The following VWA3B variants were observed in gnomAD, a reference collection of about 807,000 sequenced individuals.
VWA3B encodes von Willebrand factor A domain containing 3B, also known as von Willebrand factor A domain-containing protein 3B.
Under a neutral mutation model 158.3 loss-of-function variants are expected in VWA3B, and 138 were observed. The ratio of observed to expected loss-of-function variants is 0.87; its 90% confidence interval spans 0.76 to 1.00. The LOEUF is 1.00. Among genes scored for constraint, VWA3B ranks in the 50% least tolerant of loss-of-function variants. The pLI is 0.00. For synonymous variants in VWA3B, 596 were observed against 587.3 expected, an observed-to-expected ratio of 1.01 and a Z score of -0.21; for missense variants, 1,555 against 1,565.1, an observed-to-expected ratio of 0.99 and a Z score of 0.11.
chr2:98,226,368 A>T (rs569495846), intron 14 of VWA3B, among the ~76,000 whole-genome samples: 2 of 152,342 alleles, frequency 1.3e-5, no homozygotes, highest in South Asian at 4.1e-4. Context: ...TGGATATCCA[A>T]AGGCAAAATA....
chr2:98,250,564 G>T, intron 20 of VWA3B, 128 bp downstream of exon 20: 1 of 751,658 alleles, frequency 1.3e-6, no homozygotes. Context: ...TGTTCAGGCT[G>T]GGTGTGGTAG....
chr2:98,170,895 G>T (rs1283760555), intron 8 of VWA3B, among the ~76,000 whole-genome samples: 1 of 152,056 alleles, frequency 6.6e-6, no homozygotes, highest in Non-Finnish European at 1.5e-5. Flanking sequence ...GTGAGCCACC[G>T]TGCCCGACCA....
chr2:98,245,752 G>C (rs967399601), intron 19 of VWA3B, among the ~76,000 whole-genome samples: 3 of 152,244 alleles, frequency 2.0e-5, no homozygotes, highest in East Asian at 3.9e-4. Context: ...GACTTCTAAC[G>C]GGGTATTTTT....
chr2:98,265,546 T>G (rs1687761653), intron 21 of VWA3B, among the ~76,000 whole-genome samples: 1 of 151,938 alleles, frequency 6.6e-6, no homozygotes, highest in African/African-American at 2.4e-5. Flanking sequence ...TATAGACCTT[T>G]GGGTATATAC....
chr2:98,183,729 C>T (rs547725882), intron 9 of VWA3B, among the ~76,000 whole-genome samples: 12 of 152,160 alleles, frequency 7.9e-5, no homozygotes, highest in East Asian at 7.7e-4. Flanking sequence ...ACACTGGATA[C>T]GGAACGAGAA....
chr2:98,271,480 CA>C (rs1347050050), intron 22 of VWA3B, among the ~76,000 whole-genome samples: 2 of 152,112 alleles, frequency 1.3e-5, no homozygotes, highest in African/African-American at 4.8e-5. Context: ...ATGTTTTCTA[CA>C]TAGGTGCAAT....
intron 2 of VWA3B, among the ~76,000 whole-genome samples, chr2:98,103,518 AT>A (rs1047049177): frequency 1.3e-5 from 2 of 151,796 alleles, no homozygotes; most frequent in African/African-American, 2.4e-5. Flanking sequence ...TTCCCTTGTG[AT>A]TTTTTTTCTT....
chr2:98,103,989 G>A (rs533098761), intron 2 of VWA3B, among the ~76,000 whole-genome samples: 23 of 152,168 alleles, frequency 1.5e-4, no homozygotes, highest in African/African-American at 5.5e-4. Context: ...ATTAGTCATT[G>A]TTTTGATGTT....
intron 23 of VWA3B, among the ~76,000 whole-genome samples, chr2:98,294,002 A>G (rs1689644174): frequency 6.6e-6 from 1 of 151,914 alleles, no homozygotes; most frequent in African/African-American, 2.4e-5. Context: ...AAGGCCAGTT[A>G]TTTTACAGAA....
At chr2:98,239,807 G>A (rs1405779653) in intron 19 of VWA3B, among the ~76,000 whole-genome samples, 1 of 151,292 alleles carries the variant, frequency 6.6e-6, no homozygotes, top group African/African-American at 2.4e-5. Context: ...GCAGCTACTC[G>A]GGAGGCTGAG....
At chr2:98,102,365 C>T (rs1298131234) in intron 2 of VWA3B, among the ~76,000 whole-genome samples, 1 of 152,116 alleles carries the variant, frequency 6.6e-6, no homozygotes, top group Non-Finnish European at 1.5e-5. Context: ...TCATCATGGC[C>T]TGTTCTCAAT....
intron 7 of VWA3B, among the ~76,000 whole-genome samples, chr2:98,148,389 A>G (rs908945165): frequency 6.6e-6 from 1 of 152,168 alleles, no homozygotes; most frequent in Non-Finnish European, 1.5e-5. Context: ...CTGTTTGTCT[A>G]TTACCCTTTT....
chr2:98,121,179 T>C, intron 4 of VWA3B, 120 bp from the exon 5 acceptor site: 1 of 1,277,296 alleles, frequency 7.8e-7, no homozygotes, highest in Non-Finnish European at 1.1e-6. Flanking sequence ...TATGATTTCT[T>C]TCTTTTTCAG....
intron 13 of VWA3B, among the ~76,000 whole-genome samples, chr2:98,215,169 C>A (rs896037384): frequency 6.6e-6 from 1 of 152,054 alleles, no homozygotes; most frequent in African/African-American, 2.4e-5. Context: ...AGGCCAGGCG[C>A]GGTGGCTCAT....
chr2:98,280,680 GTGTTACTGGC>G (rs1275642033), intron 22 of VWA3B, among the ~76,000 whole-genome samples: 4 of 152,242 alleles, frequency 2.6e-5, no homozygotes, highest in African/African-American at 9.6e-5. Context: ...TTTGGGATGC[GTGTTACTGGC>G]TGTGTGTTTT....
intron 21 of VWA3B, among the ~76,000 whole-genome samples, chr2:98,270,131 G>A (rs1248409446): frequency 6.6e-6 from 1 of 151,686 alleles, no homozygotes; most frequent in Non-Finnish European, 1.5e-5. Context: ...AGAAAGTTTG[G>A]CTTCTGTTCT....
At chr2:98,196,700 A>G (rs1442007915) in intron 12 of VWA3B, among the ~76,000 whole-genome samples, 1 of 152,222 alleles carries the variant, frequency 6.6e-6, no homozygotes, top group East Asian at 1.9e-4. Flanking sequence ...CAGCTTTGCC[A>G]CCATCTTTTC....
intron 19 of VWA3B, among the ~76,000 whole-genome samples, chr2:98,243,683 G>A (rs987173146): frequency 6.6e-5 from 10 of 152,148 alleles, no homozygotes; most frequent in African/African-American, 1.2e-4. Flanking sequence ...ACTGACATGC[G>A]ATTTGGCCAG....
At chr2:98,185,347 GC>G (rs1287367865) in intron 9 of VWA3B, among the ~76,000 whole-genome samples, 3 of 152,040 alleles carry the variant, frequency 2.0e-5, no homozygotes, top group Non-Finnish European at 4.4e-5. Context: ...CACTCACCTG[GC>G]AAAACCCCAG....
Sources: gnomAD v4.1 joint callset for allele counts (sites outside exome capture counted in the v4.1 genomes callset) on GRCh38, gnomAD v4.1.1 for gene constraint, MANE v1.5 for transcripts, NCBI Gene and HGNC (gene_info 2026-07-23, HGNC 2026-07-21) for gene names.